The following RARB variants were observed in gnomAD, a reference collection of about 807,000 sequenced individuals.
RARB encodes retinoic acid receptor beta.
In RARB, 17 loss-of-function variants were observed where a neutral mutation model predicts 51.9. The observed-to-expected ratio is 0.33, with a 90% CI of 0.22 to 0.49. The LOEUF (loss-of-function observed/expected upper bound fraction) is 0.49. Ranked by LOEUF, RARB falls within the 20% of genes least tolerant of loss-of-function variation. The pLI, the probability that RARB is intolerant of heterozygous loss-of-function variation, is 0.99. For synonymous variants in RARB, 215 were observed against 195.4 expected, an observed-to-expected ratio of 1.10 and a Z score of -0.84; for missense variants, 369 against 550.8, an observed-to-expected ratio of 0.67 and a Z score of 3.30.
chr3:25,596,337 A>ACCAGGGACC lies in RARB; in HGVS notation c.1151-83_1151-82insCCAGGGACC, dbSNP rs1396606025. On this transcript the variant is annotated intron_variant, in intron 7 of 7. Coordinates refer to ENST00000330688, the MANE Select transcript of RARB (RefSeq NM_000965.5). ...AGAATCTTAGGAAACACCTCTGTTA[A>ACCAGGGACC]AATATATGAAAATTGGTCCCTGGTT... 1.8e-4 allele frequency: 198 copies of ACCAGGGACC among 1,124,548 alleles called. 2 individuals are homozygous for ACCAGGGACC. The African/African-American group carries it at 2.5e-3, about 14-fold the overall frequency. The allele number at this position is 1,124,548 out of a possible 1,614,324, so 69.7% of individuals were successfully genotyped here.
intron 5 of RARB, among the ~76,000 whole-genome samples, chr3:25,329,258 C>T (rs1200555096): frequency 2.0e-5 from 3 of 152,152 alleles, no homozygotes; most frequent in African/African-American, 4.8e-5. Flanking sequence ...AGTAGCCTAA[C>T]GGGGAGGCAC....
chr3:25,504,784 TTTTTTTTG>T (rs1559439325), intron 3 of RARB, among the ~76,000 whole-genome samples: 3 of 146,442 alleles, frequency 2.0e-5, no homozygotes, highest in Non-Finnish European at 3.0e-5. Flanking sequence ...TTTTTTTTTT[TTTTTTTTG>T]TGTCACCCAG....
intron 2 of RARB, among the ~76,000 whole-genome samples, chr3:25,015,527 G>T (rs1312495714): frequency 1.3e-5 from 2 of 152,060 alleles, no homozygotes; most frequent in Non-Finnish European, 2.9e-5. Context: ...AGGCATAATG[G>T]GAAACTTCTT....
At position 24,933,508 on chromosome 3, in the gene RARB, CAG is replaced by C. The variant is rs561153048; in HGVS notation, c.-380+74759_-380+74760del. On this transcript the variant is annotated intron_variant, in intron 2 of 11. Coordinates refer to the RARB transcript ENST00000383772. ...AGGTTCTTTAGTGACTCTCGCCCTT[CAG>C]AGTTTTGCTTTTGCGGATCTGACTT... Among the ~76,000 whole-genome samples the C allele has an allele frequency of 5.9e-5, 9 of 152,120 alleles. No homozygotes were observed. In the South Asian group the frequency reaches 1.9e-3, roughly 32 times the overall value.
chr3:25,503,908 A>G (rs1697436208), intron 3 of RARB, among the ~76,000 whole-genome samples: 1 of 152,174 alleles, frequency 6.6e-6, no homozygotes, highest in African/African-American at 2.4e-5. Context: ...GTACACTAGG[A>G]CTCAGAAAGA....
At chr3:25,357,800 C>G (rs1389925131) in intron 5 of RARB, among the ~76,000 whole-genome samples, 1 of 150,626 alleles carries the variant, frequency 6.6e-6, no homozygotes, top group Non-Finnish European at 1.5e-5. Context: ...TTTGTCCGGT[C>G]AAAGATCAGA....
At chr3:25,420,206 C>A (rs1284272095) in intron 5 of RARB, among the ~76,000 whole-genome samples, 1 of 152,194 alleles carries the variant, frequency 6.6e-6, no homozygotes, top group Non-Finnish European at 1.5e-5. Context: ...AATTCCCACT[C>A]AATCACATTG....
intron 2 of RARB, among the ~76,000 whole-genome samples, chr3:25,033,626 G>C (rs1697920865): frequency 6.6e-6 from 1 of 152,112 alleles, no homozygotes. Flanking sequence ...CCCCCTGGAG[G>C]ACAGCAAGGT....
intron 3 of RARB, among the ~76,000 whole-genome samples, chr3:25,097,716 A>T (rs572160963): frequency 6.6e-4 from 100 of 152,268 alleles, no homozygotes; most frequent in Non-Finnish European, 1.3e-3. Flanking sequence ...CATGTCCCAG[A>T]CCAGTTCCAA....
At chr3:25,023,262 G>A (rs1157001234) in intron 2 of RARB, among the ~76,000 whole-genome samples, 1 of 152,308 alleles carries the variant, frequency 6.6e-6, no homozygotes, top group African/African-American at 2.4e-5. Context: ...ACAGTAATGT[G>A]AGAAAAGTAT....
chr3:25,016,601 A>G (rs995114341), intron 2 of RARB, among the ~76,000 whole-genome samples: 19 of 152,192 alleles, frequency 1.2e-4, no homozygotes, highest in African/African-American at 4.6e-4. Flanking sequence ...CGGTGGATAC[A>G]ATCATCTTAG....
At chr3:24,864,383 G>GA (rs1702810703) in intron 2 of RARB, among the ~76,000 whole-genome samples, 1 of 152,130 alleles carries the variant, frequency 6.6e-6, no homozygotes, top group African/African-American at 2.4e-5. Context: ...GTGTTGGTAG[G>GA]CCTCTGGATA....
At chr3:24,982,678 T>A (rs4468943) in intron 2 of RARB, among the ~76,000 whole-genome samples, 33,533 of 152,144 alleles carry the variant, frequency 0.22, 4,128 homozygotes, top group East Asian at 0.39. Flanking sequence ...ATTCCCTGAC[T>A]GTTTTTGTTT....
chr3:24,998,065 T>G (rs557987684), intron 2 of RARB, among the ~76,000 whole-genome samples: 2 of 152,204 alleles, frequency 1.3e-5, no homozygotes, highest in African/African-American at 2.4e-5. Context: ...TTTTATAGAC[T>G]GTTTACTGCT....
intron 3 of RARB, among the ~76,000 whole-genome samples, chr3:25,103,158 T>C (rs1303001749): frequency 6.6e-6 from 1 of 152,186 alleles, no homozygotes; most frequent in Non-Finnish European, 1.5e-5. Context: ...ATGAGCTTCG[T>C]TCCCCTCTGT....
chr3:25,396,859 C>G (rs911087697), intron 5 of RARB, among the ~76,000 whole-genome samples: 8 of 152,146 alleles, frequency 5.3e-5, no homozygotes, highest in Non-Finnish European at 1.0e-4. Context: ...ATACAGCCAG[C>G]AAGGCCAGTT....
intron 3 of RARB, among the ~76,000 whole-genome samples, chr3:25,114,843 T>C (rs1300898010): frequency 1.3e-5 from 2 of 152,160 alleles, no homozygotes; most frequent in African/African-American, 4.8e-5. Flanking sequence ...TACTGCACTA[T>C]CATTGCTCTT....
intron 3 of RARB, among the ~76,000 whole-genome samples, chr3:25,107,369 G>T (rs1478079281): frequency 6.6e-6 from 1 of 152,210 alleles, no homozygotes; most frequent in Non-Finnish European, 1.5e-5. Context: ...GAGAGGTTCT[G>T]AGAGGGGCCT....
intron 2 of RARB, among the ~76,000 whole-genome samples, chr3:25,043,966 A>G (rs564107176): frequency 1.3e-5 from 2 of 152,082 alleles, no homozygotes; most frequent in Admixed American, 6.6e-5. Context: ...GTGTGTGGAT[A>G]TGGAGTGCAA....
Sources: allele counts gnomAD v4.1 joint callset (sites outside exome capture counted in the v4.1 genomes callset), GRCh38; gene constraint gnomAD v4.1.1; transcripts MANE v1.5; gene names NCBI Gene and HGNC (gene_info 2026-07-23, HGNC 2026-07-21).